DOCK10: variants seen among roughly 807,000 people sequenced by gnomAD.
DOCK10 encodes dedicator of cytokinesis 10.
In DOCK10, 145 loss-of-function variants were observed where a neutral mutation model predicts 280.1. The observed-to-expected ratio is 0.52, with a 90% CI of 0.45 to 0.59. The LOEUF is 0.59. DOCK10 is among the 20% of genes least tolerant of loss of function. DOCK10 has a pLI of 0.00. For missense variants in DOCK10, 2,368 were observed against 2,651.7 expected, an observed-to-expected ratio of 0.89 and a Z score of 2.35; for synonymous variants, 915 against 942.2, an observed-to-expected ratio of 0.97 and a Z score of 0.53.
chr2:224,943,405 G>T (rs1703203989), intron 1 of DOCK10, among the ~76,000 whole-genome samples: 1 of 152,092 alleles, frequency 6.6e-6, no homozygotes, highest in Admixed American at 6.5e-5. Flanking sequence ...TAAAATCTGG[G>T]TTGCATAATT....
rs374525367 is a variant in DOCK10, at chr2:224,876,027, T to A, written c.931+11A>T. 16 of 1,605,854 alleles carry A rather than the reference T, an allele frequency of 1.0e-5. No individual in the cohort carries two copies. Among genetic ancestry groups the A allele is most frequent in the African/African-American group, 5.4e-5 (4 of 74,440 alleles). On this transcript the variant is annotated intron_variant, in intron 8 of 55. Transcript: ENST00000258390. The stretch of plus-strand genomic sequence containing the variant: ...GGACAAAGGAAGGAAGACGGCTTCA[T>A]ATGCTCTCACCCAGACCCAGATCAG...
At chr2:224,972,581 C>T (rs1705152788) in intron 1 of DOCK10, among the ~76,000 whole-genome samples, 1 of 152,242 alleles carries the variant, frequency 6.6e-6, no homozygotes, top group African/African-American at 2.4e-5. Flanking sequence ...TTTAAAATTA[C>T]AAATGAGATA....
intron 4 of DOCK10, among the ~76,000 whole-genome samples, chr2:224,892,800 A>G (rs868008389): frequency 6.6e-6 from 1 of 152,216 alleles, no homozygotes; most frequent in Admixed American, 6.5e-5. Context: ...GCTACTGAAG[A>G]TTCTTATTTC....
intron 1 of DOCK10, among the ~76,000 whole-genome samples, chr2:224,952,874 G>A (rs1032181709): frequency 6.6e-6 from 1 of 152,168 alleles, no homozygotes; most frequent in Non-Finnish European, 1.5e-5. Flanking sequence ...TTACAGGCGT[G>A]AGCCACCGCG....
chr2:224,918,425 T>G (rs1162069648), intron 2 of DOCK10, among the ~76,000 whole-genome samples: 1 of 145,222 alleles, frequency 6.9e-6, no homozygotes, highest in Non-Finnish European at 1.5e-5. Flanking sequence ...TGCATTTGAG[T>G]GCGTGTGTTC....
At chr2:224,816,785 C>T in intron 29 of DOCK10, 72 bp from the exon 30 acceptor site, 1 of 835,308 alleles carries the variant, frequency 1.2e-6, no homozygotes, top group Non-Finnish European at 1.9e-6. Context: ...CAAACAAAAT[C>T]TGCACTTGAA....
intron 1 of DOCK10, among the ~76,000 whole-genome samples, chr2:224,990,701 T>C (rs1706103976): frequency 6.6e-6 from 1 of 152,222 alleles, no homozygotes; most frequent in African/African-American, 2.4e-5. Flanking sequence ...ATATGTCTCC[T>C]CTGTGCTTTG....
chr2:224,883,422 A>T (rs1699090474), intron 7 of DOCK10, among the ~76,000 whole-genome samples: 1 of 152,210 alleles, frequency 6.6e-6, no homozygotes, highest in African/African-American at 2.4e-5. Context: ...AAATATCCGG[A>T]ACGTAAATCA....
chr2:224,856,683 A>G (rs1047293492), intron 15 of DOCK10, among the ~76,000 whole-genome samples, 177 bp downstream of exon 15: 2 of 152,214 alleles, frequency 1.3e-5, no homozygotes, highest in African/African-American at 4.8e-5. Context: ...GTCCTTCCAT[A>G]TAATTCTAGC....
At chr2:224,851,059 G>A (rs1696696122) in intron 18 of DOCK10, among the ~76,000 whole-genome samples, 1 of 152,140 alleles carries the variant, frequency 6.6e-6, no homozygotes, top group African/African-American at 2.4e-5. Context: ...CCAGCTTCCA[G>A]GATAGGGCTG....
chr2:224,921,115 AT>A (rs1701709777), intron 2 of DOCK10, among the ~76,000 whole-genome samples: 4 of 97,774 alleles, frequency 4.1e-5, no homozygotes, highest in African/African-American at 9.7e-5. Flanking sequence ...AAAAAAAAAT[AT>A]ATATATATAT....
chr2:224,772,450 C>T (rs753824863), intron 53 of DOCK10, among the ~76,000 whole-genome samples: 19 of 152,252 alleles, frequency 1.2e-4, no homozygotes, highest in Admixed American at 7.2e-4. Flanking sequence ...GTACTAAGCC[C>T]CAGGGCGTCC....
intron 31 of DOCK10, among the ~76,000 whole-genome samples, chr2:224,812,792 T>A (rs933339311): frequency 2.0e-5 from 3 of 152,226 alleles, no homozygotes; most frequent in African/African-American, 7.2e-5. Context: ...ATTACACTTA[T>A]TGATTTGCGT....
intron 2 of DOCK10, among the ~76,000 whole-genome samples, chr2:224,921,933 C>A (rs1414535263): frequency 6.6e-6 from 1 of 151,590 alleles, no homozygotes; most frequent in Non-Finnish European, 1.5e-5. Flanking sequence ...AACCCCGTCT[C>A]TACTAAAAAT....
chr2:224,798,355 T>TTA (rs774178544), intron 41 of DOCK10, among the ~76,000 whole-genome samples: 1 of 152,110 alleles, frequency 6.6e-6, no homozygotes, highest in Non-Finnish European at 1.5e-5. Flanking sequence ...GGAAAGGAGC[T>TTA]TATGAGTTCA....
intron 1 of DOCK10, among the ~76,000 whole-genome samples, chr2:225,017,569 C>T (rs166842): frequency 6.6e-6 from 1 of 151,870 alleles, no homozygotes; most frequent in Non-Finnish European, 1.5e-5. Flanking sequence ...CAACATACAT[C>T]CTTCTCCAGC....
chr2:224,921,112 A>AAAAAAAAAAAATATATAT, intron 2 of DOCK10, among the ~76,000 whole-genome samples: 1 of 54,426 alleles, frequency 1.8e-5, no homozygotes, highest in Non-Finnish European at 3.0e-5. Flanking sequence ...AAAAAAAAAA[A>AAAAAAAAAAAATATATAT]ATATATATAT....
intron 1 of DOCK10, among the ~76,000 whole-genome samples, chr2:225,025,717 AG>A (rs960030675): frequency 7.8e-5 from 11 of 140,330 alleles, no homozygotes; most frequent in African/African-American, 3.1e-4. Context: ...TAATATTCAA[AG>A]CCCTTCAGTT....
intron 2 of DOCK10, among the ~76,000 whole-genome samples, chr2:224,921,517 A>C (rs925633300): frequency 2.0e-5 from 3 of 151,878 alleles, no homozygotes; most frequent in Non-Finnish European, 4.4e-5. Flanking sequence ...CTGCGAATTA[A>C]TTCAGGCCGA....
Sources: gnomAD v4.1 joint callset for allele counts (sites outside exome capture counted in the v4.1 genomes callset) on GRCh38, gnomAD v4.1.1 for gene constraint, MANE v1.5 for transcripts, NCBI Gene and HGNC (gene_info 2026-07-23, HGNC 2026-07-21) for gene names.